LARGE1: variants seen among roughly 807,000 people sequenced by gnomAD.
LARGE1 encodes xylosyl- and glucuronyltransferase LARGE1.
In LARGE1, 43 loss-of-function variants were observed where a neutral mutation model predicts 87.6. That is an observed-to-expected ratio of 0.49 (90% confidence interval 0.38 to 0.63). The LOEUF (loss-of-function observed/expected upper bound fraction) is 0.63. LARGE1 is among the 30% of genes least tolerant of loss of function. The pLI is 0.00. For synonymous variants in LARGE1, 434 were observed against 394.6 expected (o/e 1.10, Z -1.18); for missense variants, 802 against 1,000.2 (o/e 0.80, Z 2.67).
intron 7 of LARGE1, among the ~76,000 whole-genome samples, chr22:33,389,510 G>A (rs966504632): frequency 6.6e-6 from 1 of 152,210 alleles, no homozygotes; most frequent in Non-Finnish European, 1.5e-5. Flanking sequence ...GCCAGACAAG[G>A]ATGTAGAGCA....
chr22:33,284,955 G>A lies in LARGE1; in HGVS notation c.1731-1607C>T, dbSNP rs566918735. ...ATGAGACCTGCCATCCTGGGAAAGC[G>A]ATTTAGCTCCTCACTACCTTTGGTC... On this transcript the variant is annotated intron_variant, in intron 12 of 14. Coordinates refer to ENST00000397394, the MANE Select transcript of LARGE1 (RefSeq NM_133642.5). Among the ~76,000 whole-genome samples, 11 of 152,306 alleles carry A rather than the reference G, an allele frequency of 7.2e-5. No individual in the cohort carries two copies. In the East Asian group the frequency reaches 7.7e-4, roughly 11 times the overall value.
intron 2 of LARGE1, among the ~76,000 whole-genome samples, chr22:33,674,697 T>C (rs917283858): frequency 1.3e-5 from 2 of 152,120 alleles, no homozygotes; most frequent in African/African-American, 2.4e-5. Context: ...ACACTCCCAT[T>C]GGTCCTTCAG....
intron 11 of LARGE1, among the ~76,000 whole-genome samples, chr22:33,197,814 C>G (rs1026000615): frequency 1.3e-5 from 2 of 151,904 alleles, no homozygotes; most frequent in African/African-American, 4.8e-5. Flanking sequence ...ATATAAAAGG[C>G]CTAGAATAGC....
At chr22:33,646,723 T>TTTTTG (rs898084416) in intron 3 of LARGE1, among the ~76,000 whole-genome samples, 2 of 152,098 alleles carry the variant, frequency 1.3e-5, no homozygotes, top group Admixed American at 6.6e-5. Flanking sequence ...TGGTTTCCTT[T>TTTTTG]TTTTGTTTTG....
chr22:33,819,794 C>T (rs892654697), intron 1 of LARGE1, among the ~76,000 whole-genome samples: 3 of 152,168 alleles, frequency 2.0e-5, no homozygotes, highest in African/African-American at 7.2e-5. Context: ...AACTCAGTTT[C>T]TTCTCCTATA....
intron 2 of LARGE1, among the ~76,000 whole-genome samples, chr22:33,654,908 A>G (rs938865089): frequency 6.6e-6 from 1 of 152,220 alleles, no homozygotes; most frequent in African/African-American, 2.4e-5. Flanking sequence ...ACTCAAAGGT[A>G]AAACAGAGCT....
At chr22:33,341,200 T>C (rs1939108820) in intron 9 of LARGE1, among the ~76,000 whole-genome samples, 1 of 151,962 alleles carries the variant, frequency 6.6e-6, no homozygotes, top group African/African-American at 2.4e-5. Flanking sequence ...CCCAAAGTGC[T>C]CCCTTGCTTG....
In LARGE1 at chr22:33,521,631, C is replaced by T. The variant is rs114869873; in HGVS notation, c.787+43217G>A. ...CCTCCTCTTAATGGGAGGAGCTACACAGTCTTGGTGAAAGTAACCGATGTA... is the reference window on the plus strand; with the variant it reads ...CCTCCTCTTAATGGGAGGAGCTACATAGTCTTGGTGAAAGTAACCGATGTA... On this transcript the variant is annotated intron_variant, in intron 6 of 14. Coordinates refer to ENST00000397394, the MANE Select transcript of LARGE1 (RefSeq NM_133642.5). Among the ~76,000 whole-genome samples, 767 of 152,308 alleles carry T rather than the reference C, an allele frequency of 5.0e-3. 4 individuals carry two copies. The highest frequency in any genetic ancestry group is 0.017 in the African/African-American group (717 of 41,570).
At chr22:33,210,016 C>G (rs1038158916) in intron 11 of LARGE1, among the ~76,000 whole-genome samples, 4 of 152,190 alleles carry the variant, frequency 2.6e-5, no homozygotes, top group Non-Finnish European at 4.4e-5. Flanking sequence ...CTCTCAGTAC[C>G]CACCCCAATC....
chr22:33,562,149 C>T (rs1158519798), intron 6 of LARGE1, among the ~76,000 whole-genome samples: 1 of 152,222 alleles, frequency 6.6e-6, no homozygotes. Flanking sequence ...AGGCTTTCTT[C>T]CTATTCCATG....
chr22:33,398,714 G>A (rs1239141280), intron 7 of LARGE1, among the ~76,000 whole-genome samples: 3 of 152,156 alleles, frequency 2.0e-5, no homozygotes, highest in African/African-American at 7.2e-5. Context: ...GTCAACATGA[G>A]GTCATAGTGG....
chr22:33,486,446 C>T (rs373977842), intron 6 of LARGE1, among the ~76,000 whole-genome samples: 23 of 152,114 alleles, frequency 1.5e-4, no homozygotes, highest in African/African-American at 5.1e-4. Context: ...GAATCTCAAA[C>T]AGAGCATCAA....
chr22:33,576,452 C>T (rs916209), intron 5 of LARGE1, among the ~76,000 whole-genome samples: 74,587 of 151,830 alleles, frequency 0.49, 18,446 homozygotes, highest in Middle Eastern at 0.54. Flanking sequence ...TTTACCCTGA[C>T]AGGAGGTGGG....
intron 6 of LARGE1, among the ~76,000 whole-genome samples, chr22:33,499,398 G>A (rs1427098438): frequency 1.3e-5 from 2 of 152,120 alleles, no homozygotes; most frequent in African/African-American, 2.4e-5. Context: ...TAGTTATAAC[G>A]ATTGGTTAAG....
intron 1 of LARGE1, among the ~76,000 whole-genome samples, chr22:33,818,383 A>G (rs566844445): frequency 3.3e-5 from 5 of 152,292 alleles, no homozygotes; most frequent in East Asian, 1.9e-4. Context: ...AGCCTGATAA[A>G]TTGTAGGTGT....
chr22:33,304,263 A>AGTCAATGT lies in LARGE1; in HGVS notation c.1688_1695dup (p.Phe566ThrfsTer30). The AGTCAATGT allele has an allele frequency of 6.2e-7, 1 of 1,614,276 alleles. No homozygotes were observed. Among genetic ancestry groups the AGTCAATGT allele is most frequent in the Non-Finnish European group, 8.5e-7 (1 of 1,180,046 alleles). On this transcript the variant is annotated frameshift_variant, in exon 12 of 15. Transcript: ENST00000397394. LOFTEE classifies it high-confidence loss of function. Reference sequence around the variant, plus strand: ...TCATAGAGCCCATACATGGGCAGGAAGTCAATGTCAGACAGGAACATGTAG... The same window carrying AGTCAATGT: ...TCATAGAGCCCATACATGGGCAGGAAGTCAATGTGTCAATGTCAGACAGGAACATGTAG...
chr22:33,404,036 C>T (rs908007661), intron 7 of LARGE1, among the ~76,000 whole-genome samples: 6 of 152,180 alleles, frequency 3.9e-5, no homozygotes, highest in Non-Finnish European at 4.4e-5. Context: ...TCATAGTCCT[C>T]GGGAAGCCTA....
Position 33,448,328 on chromosome 22 carries a change from T to A in LARGE1, c.788-16063A>T, listed in dbSNP as rs186474249. On this transcript the variant is annotated intron_variant, in intron 6 of 14. Transcript: ENST00000397394. Reference sequence around the variant, plus strand: ...ACTTGGAGGGAATGTGTATGTCAAGTAGCTTGATTTGGTCATTCCACAATG... The same window carrying A: ...ACTTGGAGGGAATGTGTATGTCAAGAAGCTTGATTTGGTCATTCCACAATG... 2.0e-5 allele frequency among the ~76,000 whole-genome samples: 3 copies of A among 152,332 alleles called. No individual in the cohort carries two copies. In the East Asian group the frequency reaches 5.8e-4, roughly 29 times the overall value.
chr22:33,395,619 A>G (rs1205049004), intron 7 of LARGE1, among the ~76,000 whole-genome samples: 1 of 152,234 alleles, frequency 6.6e-6, no homozygotes, highest in African/African-American at 2.4e-5. Flanking sequence ...GCTAGCTACA[A>G]GAATGTAGCT....
Sources: allele counts gnomAD v4.1 joint callset (sites outside exome capture counted in the v4.1 genomes callset), GRCh38; gene constraint gnomAD v4.1.1; transcripts MANE v1.5; gene names NCBI Gene and HGNC (gene_info 2026-07-23, HGNC 2026-07-21).